The following COL4A1 variants were observed in gnomAD, a reference collection of about 807,000 sequenced individuals.
The protein encoded by COL4A1 is collagen alpha-1(IV) chain.
A neutral mutation model predicts 216.6 loss-of-function variants in COL4A1; 40 were observed. The observed-to-expected ratio is 0.18, with a 90% CI of 0.14 to 0.24. The LOEUF is 0.24. Ranked by LOEUF, COL4A1 falls within the 10% of genes least tolerant of loss-of-function variation. COL4A1 has a pLI of 1.00. For missense variants in COL4A1, 1,628 were observed against 2,196.8 expected, an observed-to-expected ratio of 0.74 and a Z score of 5.18; for synonymous variants, 839 against 810.7, an observed-to-expected ratio of 1.03 and a Z score of -0.59.
At chr13:110,222,792 AAAAAAAG>A (rs1880565141) in intron 2 of COL4A1, among the ~76,000 whole-genome samples, 1 of 132,760 alleles carries the variant, frequency 7.5e-6, no homozygotes, top group African/African-American at 2.6e-5. Flanking sequence ...AAAAAAAAAA[AAAAAAAG>A]AATTAAGGCT....
chr13:110,206,968 A>G (rs1489735162), intron 13 of COL4A1, 77 bp from the exon 14 acceptor site: 10 of 1,419,110 alleles, frequency 7.0e-6, no homozygotes, highest in Non-Finnish European at 9.7e-6. Flanking sequence ...AACACACAGC[A>G]GAAAAAAAAA....
intron 1 of COL4A1, among the ~76,000 whole-genome samples, chr13:110,296,575 G>A (rs368271318): frequency 1.3e-5 from 2 of 152,246 alleles, no homozygotes; most frequent in African/African-American, 4.8e-5. Context: ...GACACCGGCT[G>A]TGTGGGAGGT....
At chr13:110,299,153 C>T (rs1333247435) in intron 1 of COL4A1, among the ~76,000 whole-genome samples, 1 of 152,210 alleles carries the variant, frequency 6.6e-6, no homozygotes. Flanking sequence ...AGGGGTTCAG[C>T]CTCAAAGTGA....
At chr13:110,186,657 T>G in intron 25 of COL4A1, 104 bp from the exon 26 acceptor site, 1 of 1,385,086 alleles carries the variant, frequency 7.2e-7, no homozygotes, top group Non-Finnish European at 9.9e-7. Context: ...TAGAGTTAAC[T>G]GGCTCACACT....
In COL4A1 at chr13:110,177,053, A is replaced by T; in HGVS notation, c.2717-16T>A. ...CCATGGTCCCCTGCAGAGGAAAGAGAAGGCACTGGTGAGCCTGGGCCAGTG... is the reference window on the plus strand; with the variant it reads ...CCATGGTCCCCTGCAGAGGAAAGAGTAGGCACTGGTGAGCCTGGGCCAGTG... On this transcript the variant is annotated splice_polypyrimidine_tract_variant and intron_variant, in intron 33 of 51. Coordinates refer to ENST00000375820, the MANE Select transcript of COL4A1 (RefSeq NM_001845.6). 1 of 1,613,406 alleles carries T rather than the reference A, an allele frequency of 6.2e-7. No homozygotes were observed. Among genetic ancestry groups the T allele is most frequent in the Non-Finnish European group, 8.5e-7 (1 of 1,180,010 alleles).
chr13:110,211,789 A>G lies in COL4A1; in HGVS notation c.441+80T>C. The G allele has an allele frequency of 1.3e-6, 2 of 1,533,162 alleles. No homozygotes were observed. The highest frequency in any genetic ancestry group is 2.4e-5 in the South Asian group (2 of 84,940). The allele number at this position is 1,533,162 out of a possible 1,614,324, so 95.0% of individuals were successfully genotyped here. On this transcript the variant is annotated intron_variant, in intron 7 of 51. Transcript: ENST00000375820. This position sits in a 1 kb window ranked among gnomAD's most constrained non-coding sequence, Gnocchi z 4.3. ...AAGTTATTAAAACATAAGCAAAGAA[A>G]GAAAGAAAAGGAAATGGAATGAAAA...
intron 1 of COL4A1, among the ~76,000 whole-genome samples, chr13:110,248,346 C>A (rs547838155): frequency 2.8e-4 from 39 of 141,740 alleles, no homozygotes; most frequent in Non-Finnish European, 5.3e-4. Context: ...CTCTGGAAGG[C>A]GCTCAGCCGC....
In COL4A1 at chr13:110,162,265, A is replaced by T; in HGVS notation, c.4427T>A (p.Val1476Glu). ...ILYHGYSLLYVQGNERAHGQD... is the reference protein window; with the variant it reads ...ILYHGYSLLYEQGNERAHGQD... ...GCCATGGGCCCGTTCATTGCCTTGC[A>T]CGTAGAGCAAAGAGTACCCGTGGTA... The change falls in exon 48 of 52, where the codon GTG (valine) becomes GAG (glutamate). Residue 1476 changes from valine to glutamate, a missense_variant. Val to Glu is a moderately radical substitution (Grantham distance 121). This residue lies in a region of COL4A1 where 254 missense variants were observed against 300.1 expected (regional missense o/e 0.85). Transcript: ENST00000375820. The T allele has an allele frequency of 6.2e-7, 1 of 1,614,238 alleles. No individual in the cohort carries two copies. The highest frequency in any genetic ancestry group is 8.5e-7 in the Non-Finnish European group (1 of 1,180,036).
chr13:110,200,817 G>A (rs1199725715), intron 20 of COL4A1, 37 bp downstream of exon 20: 3 of 1,604,800 alleles, frequency 1.9e-6, no homozygotes, highest in Non-Finnish European at 2.6e-6. Context: ...CAGAAGGTGT[G>A]CAAGTATGCT....
chr13:110,196,546 T>C (rs569452312), intron 21 of COL4A1, among the ~76,000 whole-genome samples: 5 of 152,150 alleles, frequency 3.3e-5, no homozygotes, highest in Admixed American at 1.3e-4. Flanking sequence ...TCCTGCCTGC[T>C]TCAGCTCAAC....
At chr13:110,248,408 C>G (rs1176843893) in intron 1 of COL4A1, among the ~76,000 whole-genome samples, 2 of 152,234 alleles carry the variant, frequency 1.3e-5, no homozygotes, top group African/African-American at 4.8e-5. Context: ...CCCCCAAATT[C>G]CACTCCCAGG....
intron 3 of COL4A1, 37 bp from the exon 4 acceptor site, chr13:110,213,863 C>A (rs376493932): frequency 1.9e-6 from 3 of 1,613,718 alleles, no homozygotes; most frequent in Non-Finnish European, 2.5e-6. Context: ...CATTGATCAC[C>A]GCTATCTCAA....
intron 2 of COL4A1, among the ~76,000 whole-genome samples, chr13:110,233,709 C>T (rs951487016): frequency 2.0e-5 from 3 of 152,074 alleles, no homozygotes; most frequent in African/African-American, 7.2e-5. Context: ...ATGATAAAAC[C>T]ACAACGTTGA....
At chr13:110,192,764 T>C in intron 23 of COL4A1, 66 bp downstream of exon 23, 1 of 1,413,194 alleles carries the variant, frequency 7.1e-7, no homozygotes. Context: ...GAAATCCCTT[T>C]CACAGGAAAG....
chr13:110,152,207 A>G, intron 51 of COL4A1, 127 bp downstream of exon 51: 3 of 1,441,926 alleles, frequency 2.1e-6, no homozygotes, highest in South Asian at 1.2e-5. Context: ...CATGTCGAAC[A>G]GCATCAAATA....
chr13:110,235,466 G>T (rs1015049336), intron 2 of COL4A1, among the ~76,000 whole-genome samples: 4 of 152,040 alleles, frequency 2.6e-5, no homozygotes, highest in East Asian at 3.9e-4. Context: ...CTGGCTAACA[G>T]GGTGAAACCC....
At chr13:110,296,643 T>A (rs1884288583) in intron 1 of COL4A1, among the ~76,000 whole-genome samples, 1 of 152,174 alleles carries the variant, frequency 6.6e-6, no homozygotes, top group Non-Finnish European at 1.5e-5. Context: ...AGGCTTCCTT[T>A]AATTCCACTC....
chr13:110,155,455 C>G, intron 49 of COL4A1, 58 bp from the exon 50 acceptor site: 1 of 1,116,850 alleles, frequency 9.0e-7, no homozygotes, highest in East Asian at 2.4e-5. Flanking sequence ...GGCCGCCCTC[C>G]ATGCACTGCC....
chr13:110,283,754 G>A (rs1482485696), intron 1 of COL4A1, among the ~76,000 whole-genome samples: 5 of 152,172 alleles, frequency 3.3e-5, no homozygotes, highest in African/African-American at 1.2e-4. Flanking sequence ...CCATGCCCAG[G>A]TCCCACCATA....
Sources: allele counts gnomAD v4.1 joint callset (sites outside exome capture counted in the v4.1 genomes callset), GRCh38; gene constraint gnomAD v4.1.1; regional missense constraint gnomAD v4.1.1; non-coding constraint Gnocchi (gnomAD v3.1); transcripts MANE v1.5; gene names NCBI Gene and HGNC (gene_info 2026-07-23, HGNC 2026-07-21).